PDE12: variants seen among roughly 807,000 people sequenced by gnomAD.
PDE12 encodes 2',5'-phosphodiesterase 12.
PDE12 carries 26 observed loss-of-function variants against 45.4 expected under a neutral mutation model. The ratio of observed to expected loss-of-function variants is 0.57; its 90% CI spans 0.42 to 0.79. PDE12 has a LOEUF of 0.79. Among genes scored for constraint, PDE12 ranks in the 30% least tolerant of loss-of-function variants. PDE12 has a pLI of 0.00. For synonymous variants in PDE12, 283 were observed against 323.9 expected, an observed-to-expected ratio of 0.87 and a Z score of 1.36; for missense variants, 668 against 790.0, an observed-to-expected ratio of 0.85 and a Z score of 1.85.
At chr3:57,595,299 C>G in the PDE12 span, among the ~76,000 whole-genome samples, 5 of 152,158 alleles carry the variant, frequency 3.3e-5, no homozygotes, top group Admixed American at 1.3e-4. Context: ...ACTATGTGTT[C>G]TGGAACATAA....
chr3:57,557,828 A>G (rs974943860), intron 1 of PDE12, 141 bp downstream of exon 1: 4 of 764,638 alleles, frequency 5.2e-6, no homozygotes, highest in African/African-American at 3.5e-5. Flanking sequence ...TCTTCAGCAC[A>G]AAGTTTACTC....
the PDE12 span, chr3:57,631,095 C>A: frequency 2.5e-6 from 2 of 793,658 alleles, no homozygotes; most frequent in Admixed American, 5.3e-5. Flanking sequence ...TGGACAGCAA[C>A]AACTCCATCA....
At chr3:57,633,367 A>C in the PDE12 span, 2 of 1,595,638 alleles carry the variant, frequency 1.3e-6, no homozygotes, top group Admixed American at 3.4e-5. Flanking sequence ...TAAAAGAGGA[A>C]ATAATGAGAA....
At chr3:57,583,800 A>G in the PDE12 span, 2 of 835,666 alleles carry the variant, frequency 2.4e-6, no homozygotes, top group Non-Finnish European at 3.9e-6. Context: ...GCCAACTCAT[A>G]GTAAACACCA....
Position 57,561,215 on chromosome 3 carries a change from T to G in PDE12, c.*1211T>G. 1.0e-6 allele frequency: 1 copy of G among 984,826 alleles called. No homozygotes were observed. Among genetic ancestry groups the G allele is most frequent in the Non-Finnish European group, 1.2e-6 (1 of 828,998 alleles). The allele number at this position is 984,826 out of a possible 1,614,324, so 61.0% of individuals were successfully genotyped here. ...TATGATATTAGAAAATACAGCACAT[T>G]ACTTTATGAGAAACTACCTACTGAT... On this transcript the variant is annotated 3_prime_UTR_variant, in exon 3 of 3. Transcript: ENST00000311180.
At chr3:57,645,586 T>C in the PDE12 span, 1 of 1,144,140 alleles carries the variant, frequency 8.7e-7, no homozygotes, top group Non-Finnish European at 1.3e-6. Flanking sequence ...CTATAAGCTT[T>C]TATTACCAAA....
the PDE12 span, among the ~76,000 whole-genome samples, chr3:57,617,033 C>CAA: frequency 6.8e-6 from 1 of 147,024 alleles, no homozygotes; most frequent in Non-Finnish European, 1.5e-5. Flanking sequence ...CAAAACAAAA[C>CAA]AAAACAAGAA....
the PDE12 span, among the ~76,000 whole-genome samples, chr3:57,621,959 T>A: frequency 6.6e-6 from 1 of 152,090 alleles, no homozygotes; most frequent in Admixed American, 6.6e-5. Flanking sequence ...GTGGATCGCT[T>A]AAGGTCAAGA....
the PDE12 span, among the ~76,000 whole-genome samples, chr3:57,606,029 T>G: frequency 3.3e-5 from 5 of 152,252 alleles, 1 homozygote; most frequent in South Asian, 6.3e-4. Context: ...CATGGGTAAC[T>G]GAAGTCCCTA....
At chr3:57,631,427 C>T in the PDE12 span, among the ~76,000 whole-genome samples, 1 of 152,144 alleles carries the variant, frequency 6.6e-6, no homozygotes, top group African/African-American at 2.4e-5. Context: ...AACTCCTGAC[C>T]TCATGATCCA....
chr3:57,557,077 G>C lies in PDE12; in HGVS notation c.698G>C (p.Arg233Pro). 1.2e-6 allele frequency: 2 copies of C among 1,613,982 alleles called. No homozygotes were observed. Among genetic ancestry groups the C allele is most frequent in the Non-Finnish European group, 8.5e-7 (1 of 1,180,002 alleles). Residue 233 changes from arginine to proline, a missense_variant, in exon 1 of 3, where the codon CGT becomes CCT. Transcript: ENST00000311180. ...SSWTETDVEE[R>P]VYTPSNADIG... ...TGGACTGAGACTGATGTGGAGGAGC[G>C]TGTCTACACCCCGTCCAATGCCGAC...
At chr3:57,572,473 C>T in the PDE12 span, among the ~76,000 whole-genome samples, 1 of 152,108 alleles carries the variant, frequency 6.6e-6, no homozygotes, top group African/African-American at 2.4e-5. Flanking sequence ...TAAATCCCAG[C>T]ACTTTGGGAG....
At chr3:57,602,818 G>C in the PDE12 span, among the ~76,000 whole-genome samples, 3 of 151,120 alleles carry the variant, frequency 2.0e-5, no homozygotes, top group Non-Finnish European at 4.4e-5. Flanking sequence ...TAATCCACCC[G>C]CCTCGGTCTC....
At chr3:57,642,606 A>T in the PDE12 span, among the ~76,000 whole-genome samples, 64,476 of 151,726 alleles carry the variant, frequency 0.42, 14,170 homozygotes, top group East Asian at 0.55. Context: ...CGATCATTAG[A>T]GCCATGTTAG....
chr3:57,607,610 C>T, the PDE12 span, among the ~76,000 whole-genome samples: 7 of 152,008 alleles, frequency 4.6e-5, no homozygotes, highest in African/African-American at 9.7e-5. Flanking sequence ...CTTCAGTAGC[C>T]GATTCGATCA....
chr3:57,582,897 G>A, the PDE12 span, among the ~76,000 whole-genome samples: 20 of 152,350 alleles, frequency 1.3e-4, no homozygotes, highest in African/African-American at 3.6e-4. Flanking sequence ...TTCCTCATAT[G>A]TAAGAGAGTT....
the PDE12 span, chr3:57,583,811 A>G: frequency 2.2e-6 from 2 of 900,608 alleles, no homozygotes; most frequent in African/African-American, 1.7e-5. Context: ...GTAAACACCA[A>G]TATCCAAGTA....
chr3:57,580,577 T>A, the PDE12 span, among the ~76,000 whole-genome samples: 54 of 151,320 alleles, frequency 3.6e-4, no homozygotes, highest in Admixed American at 9.9e-4. Context: ...AATTTTTTTT[T>A]AATTTTTTTT....
the PDE12 span, among the ~76,000 whole-genome samples, chr3:57,585,852 G>C: frequency 1.4e-4 from 21 of 151,910 alleles, no homozygotes; most frequent in African/African-American, 5.1e-4. Flanking sequence ...AGTAGAGACG[G>C]GGTTTCACCA....
Sources: gnomAD v4.1 joint callset for allele counts (sites outside exome capture counted in the v4.1 genomes callset) on GRCh38, gnomAD v4.1.1 for gene constraint, MANE v1.5 for transcripts, NCBI Gene and HGNC (gene_info 2026-07-23, HGNC 2026-07-21) for gene names.